Variants in NCAM1 observed in about 807,000 individuals in gnomAD.
NCAM1 encodes antigen recognized by monoclonal antibody 5.1H11.
Under a neutral mutation model 109.8 loss-of-function variants are expected in NCAM1, and 14 were observed. That is an observed-to-expected ratio of 0.13 (90% CI 0.08 to 0.20). NCAM1 has a LOEUF of 0.20. Ranked by LOEUF, NCAM1 falls within the 10% of genes least tolerant of loss-of-function variation. NCAM1 has a pLI of 1.00. For synonymous variants in NCAM1, 418 were observed against 442.9 expected, an observed-to-expected ratio of 0.94 and a Z score of 0.70; for missense variants, 774 against 1,109.9, an observed-to-expected ratio of 0.70 and a Z score of 4.30.
At chr11:113,096,234 G>T (rs1394249984) in intron 1 of NCAM1, among the ~76,000 whole-genome samples, 2 of 152,150 alleles carry the variant, frequency 1.3e-5, no homozygotes, top group Non-Finnish European at 2.9e-5. Flanking sequence ...CCAAGTGGGG[G>T]TGGTGGAGTT....
At chr11:113,112,629 A>G (rs141085902) in intron 1 of NCAM1, among the ~76,000 whole-genome samples, 2 of 152,302 alleles carry the variant, frequency 1.3e-5, no homozygotes, top group Non-Finnish European at 2.9e-5. Flanking sequence ...ATTGTTCACC[A>G]TTATGTAGAG....
chr11:113,223,341 G>A (rs1944739617), intron 9 of NCAM1, among the ~76,000 whole-genome samples: 1 of 152,130 alleles, frequency 6.6e-6, no homozygotes, highest in Non-Finnish European at 1.5e-5. Flanking sequence ...CATCAAATCT[G>A]TAGTGAGCCT....
At chr11:113,121,479 C>G (rs1940954506) in intron 1 of NCAM1, among the ~76,000 whole-genome samples, 1 of 130,612 alleles carries the variant, frequency 7.7e-6, no homozygotes. Flanking sequence ...CCTCGTCCTC[C>G]CAAAGTGTTA....
chr11:113,160,628 T>C (rs1257465605), intron 1 of NCAM1, among the ~76,000 whole-genome samples: 1 of 152,236 alleles, frequency 6.6e-6, no homozygotes, highest in Middle Eastern at 3.2e-3. Context: ...CCACTTGGCA[T>C]TCGGCACTTT....
At chr11:113,129,726 G>A (rs1555097968) in intron 1 of NCAM1, among the ~76,000 whole-genome samples, 1 of 152,148 alleles carries the variant, frequency 6.6e-6, no homozygotes, top group African/African-American at 2.4e-5. Flanking sequence ...GCAGGAATGT[G>A]GATTTCAAGA....
At chr11:113,137,118 G>A (rs1353343043) in intron 1 of NCAM1, among the ~76,000 whole-genome samples, 2 of 152,262 alleles carry the variant, frequency 1.3e-5, no homozygotes, top group Non-Finnish European at 2.9e-5. Flanking sequence ...GGGCATAGCA[G>A]GTAGAGGTTG....
At chr11:113,004,019 AG>A (rs552233295) in intron 1 of NCAM1, among the ~76,000 whole-genome samples, 20,533 of 152,198 alleles carry the variant, frequency 0.13, 1,403 homozygotes, top group African/African-American at 0.15. Context: ...TACGTCAGGG[AG>A]AGGAGAAGAT....
At position 113,000,105 on chromosome 11, in the gene NCAM1, C is replaced by A. The variant is rs539975809; in HGVS notation, c.52+38441C>A. Among the ~76,000 whole-genome samples, 3 of 152,290 alleles carry A rather than the reference C, an allele frequency of 2.0e-5. No homozygotes were observed. The Middle Eastern group carries it at 0.01, about 518-fold the overall frequency. On this transcript the variant is annotated intron_variant, in intron 1 of 19. Coordinates refer to ENST00000316851, the MANE Select transcript of NCAM1 (RefSeq NM_181351.5). ...TCTGCCACTGATTAATTAGCTATGACCTCATATATTTTACTTTACTTTTTA... is the reference window on the plus strand; with the variant it reads ...TCTGCCACTGATTAATTAGCTATGAACTCATATATTTTACTTTACTTTTTA...
intron 1 of NCAM1, among the ~76,000 whole-genome samples, chr11:113,131,744 A>G (rs1383387672): frequency 6.6e-6 from 1 of 152,078 alleles, no homozygotes; most frequent in Non-Finnish European, 1.5e-5. Flanking sequence ...CTGATAGGAG[A>G]GATGAGTGGA....
intron 1 of NCAM1, among the ~76,000 whole-genome samples, chr11:113,187,470 C>T (rs1943542026): frequency 6.6e-6 from 1 of 151,996 alleles, no homozygotes; most frequent in Admixed American, 6.6e-5. Context: ...ATCACCTCTC[C>T]TCAGCTAGAA....
At chr11:112,969,238 A>C (rs1555066319) in intron 1 of NCAM1, among the ~76,000 whole-genome samples, 1 of 152,076 alleles carries the variant, frequency 6.6e-6, no homozygotes, top group Non-Finnish European at 1.5e-5. Context: ...AGTGGGGAGG[A>C]GTAGCCAGAG....
chr11:113,195,460 C>CAG (rs1248217298), intron 1 of NCAM1, among the ~76,000 whole-genome samples: 8 of 148,260 alleles, frequency 5.4e-5, no homozygotes, highest in Non-Finnish European at 8.9e-5. Context: ...ACACACCACA[C>CAG]ACACACACAC....
chr11:113,145,655 C>T (rs1941990476), intron 1 of NCAM1, among the ~76,000 whole-genome samples: 2 of 152,028 alleles, frequency 1.3e-5, no homozygotes, highest in Admixed American at 1.3e-4. Flanking sequence ...TAATATTTTC[C>T]AAGTCCATGT....
intron 18 of NCAM1, among the ~76,000 whole-genome samples, chr11:113,271,369 C>CAAAAAAAAA (rs71060298): frequency 1.0e-4 from 7 of 66,874 alleles, no homozygotes; most frequent in African/African-American, 1.3e-4. Context: ...GACTCTGTCT[C>CAAAAAAAAA]AAAAAAAAAA....
intron 1 of NCAM1, among the ~76,000 whole-genome samples, chr11:112,981,150 C>T (rs1555068682): frequency 1.3e-5 from 2 of 151,790 alleles, no homozygotes; most frequent in Non-Finnish European, 2.9e-5. Context: ...GATTGTCAAT[C>T]TCTTCTCCTC....
intron 17 of NCAM1, among the ~76,000 whole-genome samples, chr11:113,265,669 A>G (rs1236276127): frequency 2.0e-5 from 3 of 152,192 alleles, no homozygotes; most frequent in Admixed American, 6.5e-5. Context: ...GAGACCAGCC[A>G]TCTGTTTAGC....
At chr11:113,188,085 C>G (rs1943566813) in intron 1 of NCAM1, among the ~76,000 whole-genome samples, 1 of 152,162 alleles carries the variant, frequency 6.6e-6, no homozygotes, top group Non-Finnish European at 1.5e-5. Flanking sequence ...TGGAGGACTT[C>G]TGTCTGTTTG....
At chr11:113,247,147 C>T (rs1490154344) in intron 15 of NCAM1, among the ~76,000 whole-genome samples, 1 of 152,202 alleles carries the variant, frequency 6.6e-6, no homozygotes, top group Non-Finnish European at 1.5e-5. Context: ...TTGTGACTGT[C>T]ACAACCTTGT....
intron 1 of NCAM1, among the ~76,000 whole-genome samples, chr11:113,090,684 G>A (rs1939303831): frequency 2.0e-5 from 3 of 152,124 alleles, no homozygotes; most frequent in African/African-American, 4.8e-5. Context: ...GGATAAAAGG[G>A]AGACTTAAAA....
Sources: gnomAD v4.1 joint callset for allele counts (sites outside exome capture counted in the v4.1 genomes callset) on GRCh38, gnomAD v4.1.1 for gene constraint, MANE v1.5 for transcripts, NCBI Gene and HGNC (gene_info 2026-07-23, HGNC 2026-07-21) for gene names.